The following GYG1 variants were observed in gnomAD, a reference collection of about 807,000 sequenced individuals.
GYG1 encodes glycogenin-1.
A neutral mutation model predicts 41.9 loss-of-function variants in GYG1; 44 were observed. That is an observed-to-expected ratio of 1.05 (90% CI 0.83 to 1.35). The LOEUF (loss-of-function observed/expected upper bound fraction) is 1.35, where lower values mean the gene tolerates loss of function less well. Ranked by LOEUF, GYG1 falls within the 40% of genes most tolerant of loss-of-function variation. GYG1 has a pLI of 0.00. For missense variants in GYG1, 429 were observed against 418.9 expected (o/e 1.02, Z -0.21); for synonymous variants, 141 against 158.1 (o/e 0.89, Z 0.81).
chr3:149,026,600 C>A, intron 7 of GYG1, 98 bp downstream of exon 7: 2 of 1,024,552 alleles, frequency 2.0e-6, no homozygotes, highest in Non-Finnish European at 1.5e-6. Flanking sequence ...ATCATATAAT[C>A]TATATTTTTG....
At chr3:149,012,392 G>A (rs997545409) in intron 5 of GYG1, among the ~76,000 whole-genome samples, 7 of 152,080 alleles carry the variant, frequency 4.6e-5, no homozygotes, top group Non-Finnish European at 8.8e-5. Context: ...GAGCAACTTC[G>A]GCTTCATGGA....
intron 3 of GYG1, 130 bp downstream of exon 3, chr3:148,996,606 CAG>C (rs1235381086): frequency 3.9e-5 from 47 of 1,197,930 alleles, no homozygotes; most frequent in Middle Eastern, 1.9e-4. Flanking sequence ...TGAAATATGT[CAG>C]GGGATGAAGG....
chr3:148,996,637 C>G (rs1472488195), intron 3 of GYG1, 105 bp from the exon 4 acceptor site: 7 of 1,270,580 alleles, frequency 5.5e-6, no homozygotes, highest in Non-Finnish European at 4.6e-6. Flanking sequence ...CCCAGGCTGC[C>G]TTACAGCTGT....
chr3:149,028,141 C>T lies in GYG1; in HGVS notation c.*1208C>T, dbSNP rs1714750792. ...TATGGAAGAAAACAGGACAGTTAAC[C>T]ATGACAGGAAGAAACTTTAGAGGTT... On this transcript the variant is annotated 3_prime_UTR_variant, in exon 8 of 8. Transcript: ENST00000345003. 6.6e-6 allele frequency among the ~76,000 whole-genome samples: 1 copy of T among 152,076 alleles called. No individual in the cohort carries two copies. The highest frequency in any genetic ancestry group is 2.4e-5 in the African/African-American group (1 of 41,408).
intron 4 of GYG1, among the ~76,000 whole-genome samples, chr3:149,003,696 G>A (rs1374376093): frequency 6.6e-6 from 1 of 152,114 alleles, no homozygotes; most frequent in African/African-American, 2.4e-5. Flanking sequence ...TCAACAGTTT[G>A]CATTTCTGTC....
chr3:149,023,093 G>A (rs1714457113), intron 5 of GYG1, among the ~76,000 whole-genome samples: 1 of 152,176 alleles, frequency 6.6e-6, no homozygotes, highest in African/African-American at 2.4e-5. Flanking sequence ...TAGGCTACAG[G>A]TTTGGTCCAG....
chr3:149,018,187 C>T (rs887781261), intron 5 of GYG1, among the ~76,000 whole-genome samples: 4 of 151,988 alleles, frequency 2.6e-5, no homozygotes, highest in Non-Finnish European at 4.4e-5. Flanking sequence ...TCTCAGAGAA[C>T]GTAATTGAGA....
chr3:149,022,557 G>C (rs1481609032), intron 5 of GYG1, among the ~76,000 whole-genome samples: 5 of 125,650 alleles, frequency 4.0e-5, no homozygotes, highest in Non-Finnish European at 8.0e-5. Flanking sequence ...GTGCAGTGGC[G>C]CAATCTCGGC....
intron 5 of GYG1, among the ~76,000 whole-genome samples, chr3:149,014,170 G>A (rs1297562842): frequency 2.6e-5 from 4 of 151,988 alleles, no homozygotes; most frequent in South Asian, 2.1e-4. Context: ...CCTCTTTCTC[G>A]GTGATAGTGA....
intron 4 of GYG1, among the ~76,000 whole-genome samples, chr3:149,006,080 C>CTTTTTTTTTTTTTTTTTTT (rs34268321): frequency 1.7e-5 from 2 of 117,224 alleles, no homozygotes; most frequent in Non-Finnish European, 1.7e-5. Context: ...TCATCATATT[C>CTTTTTTTTTTTTTTTTTTT]TTTTTTTTTT....
chr3:149,029,358 A>G lies in GYG1; in HGVS notation c.*2425A>G, dbSNP rs76324026. 1.3e-5 allele frequency among the ~76,000 whole-genome samples: 2 copies of G among 152,222 alleles called. No individual in the cohort carries two copies. The highest frequency in any genetic ancestry group is 4.8e-5 in the African/African-American group (2 of 41,460). On this transcript the variant is annotated 3_prime_UTR_variant, in exon 8 of 8. Coordinates refer to ENST00000345003, the MANE Select transcript of GYG1 (RefSeq NM_004130.4). ...TACTTATCCCCTTGCAGTGGCTGGTATGACCTTTGGTTGTAAGACAAACTT... is the reference window on the plus strand; with the variant it reads ...TACTTATCCCCTTGCAGTGGCTGGTGTGACCTTTGGTTGTAAGACAAACTT...
At chr3:148,995,554 C>A (rs1576537371) in intron 2 of GYG1, among the ~76,000 whole-genome samples, 1 of 152,128 alleles carries the variant, frequency 6.6e-6, no homozygotes, top group South Asian at 2.1e-4. Context: ...GTCTAAGAAA[C>A]CAGATCTAGT....
chr3:149,016,777 C>G (rs528034375), intron 5 of GYG1, among the ~76,000 whole-genome samples: 15 of 152,288 alleles, frequency 9.8e-5, no homozygotes, highest in African/African-American at 2.9e-4. Flanking sequence ...GTTTGTGACT[C>G]CTAACTTAGA....
intron 1 of GYG1, among the ~76,000 whole-genome samples, chr3:148,991,885 G>A (rs1712495760): frequency 6.6e-6 from 1 of 152,222 alleles, no homozygotes; most frequent in African/African-American, 2.4e-5. Flanking sequence ...CGGAGCTCTC[G>A]TTCCTGCTTC....
In GYG1 at chr3:149,026,504, T is replaced by A; in HGVS notation, c.879+2T>A. On this transcript the variant is annotated splice_donor_variant, in intron 7 of 7. Coordinates refer to ENST00000345003, the MANE Select transcript of GYG1 (RefSeq NM_004130.4). LOFTEE classifies it high-confidence loss of function. Reference sequence around the variant, plus strand: ...TTCTCTTGTGGCTTCTGTAGAAAGGTATGCAGAACTTAAAGATTAACCCTA... The same window carrying A: ...TTCTCTTGTGGCTTCTGTAGAAAGGAATGCAGAACTTAAAGATTAACCCTA... 1 of 1,583,372 alleles carries A rather than the reference T, an allele frequency of 6.3e-7. No homozygotes were observed. Among genetic ancestry groups the A allele is most frequent in the Non-Finnish European group, 8.7e-7 (1 of 1,151,946 alleles).
At position 149,029,572 on chromosome 3, in the gene GYG1, T is replaced by C. The variant is rs6809834; in HGVS notation, c.*2639T>C. 0.75 allele frequency among the ~76,000 whole-genome samples: 113,490 copies of C among 152,216 alleles called. 42,764 individuals carry two copies. The highest frequency in any genetic ancestry group is 0.84 in the African/African-American group (34,720 of 41,528). ...AAACTTGAGGTTAAACATTTGAGTT[T>C]TTGTTAAGAGCCAAACATCAAATGT... On this transcript the variant is annotated 3_prime_UTR_variant, in exon 8 of 8. Coordinates refer to ENST00000345003, the MANE Select transcript of GYG1 (RefSeq NM_004130.4).
chr3:149,009,330 T>C lies in GYG1; in HGVS notation c.536T>C (p.Ile179Thr), dbSNP rs1713586474. The change falls in exon 5 of 8, where the codon ATC becomes ACC. Residue 179 changes from isoleucine (I) to threonine (T), a missense_variant. By Grantham distance (89) the Ile-to-Thr change is moderately conservative (BLOSUM62 -1). Transcript: ENST00000345003. ...TTTAGCAGCTGGGCAACAACAGATA[T>C]CAGAAAACACCTGCCGTTTATTTAT... Reference protein sequence around the residue: ...TFFSSWATTDIRKHLPFIYNL... With the variant: ...TFFSSWATTDTRKHLPFIYNL... 3 of 1,613,004 alleles carry C rather than the reference T, an allele frequency of 1.9e-6. No individual in the cohort carries two copies. Among genetic ancestry groups the C allele is most frequent in the South Asian group, 2.2e-5 (2 of 91,056 alleles).
chr3:149,004,496 G>A (rs1185084695), intron 4 of GYG1, among the ~76,000 whole-genome samples: 1 of 151,972 alleles, frequency 6.6e-6, no homozygotes, highest in Non-Finnish European at 1.5e-5. Flanking sequence ...TTTTTCTGAT[G>A]ACGTTAAAAC....
Position 149,030,922 on chromosome 3 carries a change from T to C in GYG1, c.*3989T>C, listed in dbSNP as rs2107932076. The C allele has an allele frequency of 1.3e-5, 2 of 152,356 alleles. No individual in the cohort carries two copies. Among genetic ancestry groups the C allele is most frequent in the African/African-American group, 4.8e-5 (2 of 41,584 alleles). 9.4% of individuals were successfully genotyped at this position (152,356 alleles called of 1,614,324 possible). On this transcript the variant is annotated 3_prime_UTR_variant, in exon 8 of 8. Coordinates refer to ENST00000345003, the MANE Select transcript of GYG1 (RefSeq NM_004130.4). The stretch of plus-strand genomic sequence containing the variant: ...ACACAACATTGTCTCCGATCTCATC[T>C]TTCTATCAAATGACTTCCAACACTC...
Sources: gnomAD v4.1 joint callset for allele counts (sites outside exome capture counted in the v4.1 genomes callset) on GRCh38, gnomAD v4.1.1 for gene constraint, MANE v1.5 for transcripts, NCBI Gene and HGNC (gene_info 2026-07-23, HGNC 2026-07-21) for gene names.